The following RERE variants were observed in gnomAD, a reference collection of about 807,000 sequenced individuals.
The protein encoded by RERE is arginine-glutamic acid dipeptide repeats protein.
RERE carries 40 observed loss-of-function variants against 146.1 expected under a neutral mutation model. The ratio of observed to expected loss-of-function variants is 0.27; its 90% CI spans 0.21 to 0.36. The LOEUF (loss-of-function observed/expected upper bound fraction) is 0.36, where lower values mean the gene tolerates loss of function less well. Ranked by LOEUF, RERE falls within the 10% of genes least tolerant of loss-of-function variation. RERE has a pLI of 1.00. For missense variants in RERE, 1,933 were observed against 2,138.7 expected (o/e 0.90, Z 1.90); for synonymous variants, 1,003 against 866.0 (o/e 1.16, Z -2.78).
At position 8,482,158 on chromosome 1, in the gene RERE, C is replaced by G. The variant is rs1644841966; in HGVS notation, c.1104+12905G>C. ...TAGGCATATCTATAGAGACAAAAAG[C>G]AGATGAGAGGTTGCCTAGGGCTGCT... On this transcript the variant is annotated intron_variant, in intron 10 of 22. Coordinates refer to ENST00000400908, the MANE Select transcript of RERE (RefSeq NM_001042681.2). 2.6e-5 allele frequency among the ~76,000 whole-genome samples: 4 copies of G among 152,128 alleles called. No individual in the cohort carries two copies. In the East Asian group the frequency reaches 7.7e-4, roughly 29 times the overall value.
intron 10 of RERE, among the ~76,000 whole-genome samples, chr1:8,471,273 C>T (rs775519709): frequency 1.3e-5 from 2 of 152,040 alleles, no homozygotes; most frequent in Non-Finnish European, 2.9e-5. Context: ...TCAACTATGC[C>T]AGGCACTCTA....
chr1:8,694,977 G>GC lies in RERE; in HGVS notation c.-144-38537_-144-38536insG, dbSNP rs1553135220. On this transcript the variant is annotated intron_variant, in intron 1 of 22. Coordinates refer to ENST00000400908, the MANE Select transcript of RERE (RefSeq NM_001042681.2). Reference sequence around the variant, plus strand: ...CAAAGAGCCAAAGAAATCCTAAGGGGGGGGGGGGAATGCTGGCAGCATCAC... The same window carrying GC: ...CAAAGAGCCAAAGAAATCCTAAGGGGCGGGGGGGGAATGCTGGCAGCATCAC... Among the ~76,000 whole-genome samples, 3 of 127,536 alleles carry GC rather than the reference G, an allele frequency of 2.4e-5. 1 individual carries two copies. The highest frequency in any genetic ancestry group is 8.4e-5 in the African/African-American group (3 of 35,694). The allele number at this position is 127,536 out of a possible 152,430, so 83.7% of individuals were successfully genotyped here. A position where few individuals can be genotyped will look rare whatever the true frequency, so the allele number is the denominator to read the frequency against.
chr1:8,390,720 A>G (rs560853904), intron 12 of RERE, among the ~76,000 whole-genome samples: 3 of 152,166 alleles, frequency 2.0e-5, no homozygotes, highest in Non-Finnish European at 2.9e-5. Flanking sequence ...ATTCTTCCAT[A>G]AAACAAACAT....
chr1:8,688,083 T>C (rs1386993247), intron 1 of RERE, among the ~76,000 whole-genome samples: 3 of 152,060 alleles, frequency 2.0e-5, no homozygotes, highest in African/African-American at 7.2e-5. Flanking sequence ...TTAACAACAG[T>C]CCAAAAGTGA....
chr1:8,669,072 G>A (rs1638651340), intron 1 of RERE, among the ~76,000 whole-genome samples: 1 of 137,390 alleles, frequency 7.3e-6, no homozygotes, highest in South Asian at 2.3e-4. Context: ...GTGTGTGTGT[G>A]TGTGTTGTGT....
intron 11 of RERE, among the ~76,000 whole-genome samples, chr1:8,459,077 G>T (rs1210285978): frequency 6.6e-6 from 1 of 152,146 alleles, no homozygotes; most frequent in Non-Finnish European, 1.5e-5. Flanking sequence ...ATTTCCGAAA[G>T]GACTTGACAA....
In RERE at chr1:8,362,773, T is replaced by C; in HGVS notation, c.1812A>G (p.Glu604=). The change falls in exon 16 of 23, where the codon GAA becomes GAG. Residue 604 remains glutamate, a synonymous_variant. Coordinates refer to ENST00000400908, the MANE Select transcript of RERE (RefSeq NM_001042681.2). ...SPDGRTSPIN[E]DIRSSGRNSP... ...AGTTCCGGCCGCTGGAGCGGATGTC[T>C]TCATTGATGGGTGAGGTGCGACCAT... 1 of 1,614,212 alleles carries C rather than the reference T, an allele frequency of 6.2e-7. No homozygotes were observed. Among genetic ancestry groups the C allele is most frequent in the Non-Finnish European group, 8.5e-7 (1 of 1,180,042 alleles).
intron 1 of RERE, among the ~76,000 whole-genome samples, chr1:8,703,946 C>G (rs979969967): frequency 6.6e-6 from 1 of 152,202 alleles, no homozygotes; most frequent in Admixed American, 6.5e-5. Context: ...AAAAATCTCA[C>G]CAATCCCTTT....
At chr1:8,743,379 A>G (rs1184199909) in intron 1 of RERE, among the ~76,000 whole-genome samples, 1 of 151,972 alleles carries the variant, frequency 6.6e-6, no homozygotes, top group Non-Finnish European at 1.5e-5. Flanking sequence ...CCCAGGCTCA[A>G]GCAATCCTCC....
intron 4 of RERE, among the ~76,000 whole-genome samples, chr1:8,601,635 C>CAG (rs1367182151): frequency 1.0e-5 from 1 of 99,166 alleles, no homozygotes; most frequent in African/African-American, 3.3e-5. Flanking sequence ...ACCACACACA[C>CAG]ACACACACAC....
chr1:8,450,892 G>A (rs1644382962), intron 11 of RERE, among the ~76,000 whole-genome samples: 1 of 152,144 alleles, frequency 6.6e-6, no homozygotes, highest in South Asian at 2.1e-4. Context: ...GTTGCCCACG[G>A]CCCTTCTAAT....
intron 4 of RERE, among the ~76,000 whole-genome samples, chr1:8,605,833 T>A (rs924481770): frequency 7.9e-6 from 1 of 127,254 alleles, no homozygotes; most frequent in Non-Finnish European, 1.6e-5. Flanking sequence ...AATTTAAGTG[T>A]TAAATACCAA....
chr1:8,604,093 G>A (rs1482075956), intron 4 of RERE, among the ~76,000 whole-genome samples: 1 of 152,190 alleles, frequency 6.6e-6, no homozygotes, highest in East Asian at 1.9e-4. Flanking sequence ...CTTCAAAGGA[G>A]TATGGATTCC....
At chr1:8,491,514 G>T (rs986926549) in intron 10 of RERE, among the ~76,000 whole-genome samples, 1 of 151,782 alleles carries the variant, frequency 6.6e-6, no homozygotes, top group Non-Finnish European at 1.5e-5. Flanking sequence ...AGCTACTCTG[G>T]AGGCTGAGGT....
At chr1:8,712,338 C>G (rs1156716554) in intron 1 of RERE, among the ~76,000 whole-genome samples, 1 of 152,148 alleles carries the variant, frequency 6.6e-6, no homozygotes, top group East Asian at 1.9e-4. Flanking sequence ...TGAGTGAGTA[C>G]AAAGGAAGGC....
chr1:8,726,727 T>A (rs568013461), intron 1 of RERE, among the ~76,000 whole-genome samples: 3 of 152,374 alleles, frequency 2.0e-5, no homozygotes, highest in African/African-American at 7.2e-5. Context: ...TAATATTTTT[T>A]AGCCTGAAAT....
At chr1:8,594,048 G>A (rs527312713) in intron 4 of RERE, among the ~76,000 whole-genome samples, 33 of 152,234 alleles carry the variant, frequency 2.2e-4, no homozygotes, top group South Asian at 1.2e-3. Flanking sequence ...CAGCCAATCC[G>A]AACAACAACT....
At chr1:8,509,426 A>ATCCGTCCG (rs1374215055) in intron 7 of RERE, among the ~76,000 whole-genome samples, 174 of 85,924 alleles carry the variant, frequency 2.0e-3, no homozygotes, top group African/African-American at 5.0e-3. Flanking sequence ...CCATCCATCC[A>ATCCGTCCG]TCCATCCATC....
At chr1:8,683,651 A>G (rs6693009) in intron 1 of RERE, among the ~76,000 whole-genome samples, 94,365 of 152,054 alleles carry the variant, frequency 0.62, 29,697 homozygotes, top group East Asian at 0.83. Context: ...TTATTTTTAA[A>G]AAATAAATTG....
Sources: allele counts gnomAD v4.1 joint callset (sites outside exome capture counted in the v4.1 genomes callset), GRCh38; gene constraint gnomAD v4.1.1; transcripts MANE v1.5; gene names NCBI Gene and HGNC (gene_info 2026-07-23, HGNC 2026-07-21).